Variants in UGP2 observed in about 807,000 individuals in gnomAD.
UGP2 encodes UTP--glucose-1-phosphate uridylyltransferase.
In UGP2, 40 loss-of-function variants were observed where a neutral mutation model predicts 49.0. The observed-to-expected ratio is 0.82, with a 90% CI of 0.63 to 1.06. UGP2 has a LOEUF of 1.06. Among genes scored for constraint, UGP2 ranks in the 50% least tolerant of loss-of-function variants. The probability of loss-of-function intolerance (pLI) is 0.00; values close to 1 mark genes in which losing one functional copy is unlikely to be tolerated. For missense variants in UGP2, 460 were observed against 603.5 expected, an observed-to-expected ratio of 0.76 and a Z score of 2.49; for synonymous variants, 225 against 213.0, an observed-to-expected ratio of 1.06 and a Z score of -0.49.
intron 1 of UGP2, among the ~76,000 whole-genome samples, chr2:63,846,402 T>C (rs557959301): frequency 2.1e-4 from 32 of 152,128 alleles, no homozygotes; most frequent in African/African-American, 7.2e-4. Context: ...CAGCTAAGGC[T>C]ATAATGGATG....
At chr2:63,878,011 A>C (rs1671036122) in intron 3 of UGP2, among the ~76,000 whole-genome samples, 1 of 149,074 alleles carries the variant, frequency 6.7e-6, no homozygotes, top group Admixed American at 6.6e-5. Context: ...AAAAAAAAAA[A>C]AAAAAAAAAA....
intron 3 of UGP2, among the ~76,000 whole-genome samples, chr2:63,877,322 T>C (rs1464400638): frequency 1.3e-5 from 2 of 152,272 alleles, no homozygotes; most frequent in Non-Finnish European, 2.9e-5. Context: ...CCTTCCTCTC[T>C]AATAGTAACT....
At chr2:63,846,698 C>G (rs1052073937) in intron 1 of UGP2, among the ~76,000 whole-genome samples, 6 of 152,098 alleles carry the variant, frequency 3.9e-5, no homozygotes, top group Non-Finnish European at 8.8e-5. Context: ...GAGGGGTCTC[C>G]GAGGAATACA....
intron 1 of UGP2, among the ~76,000 whole-genome samples, chr2:63,843,334 G>GTTA (rs1671711022): frequency 6.6e-6 from 1 of 152,168 alleles, no homozygotes; most frequent in African/African-American, 2.4e-5. Flanking sequence ...TCAAATTCAT[G>GTTA]TTATACCTTA....
intron 3 of UGP2, among the ~76,000 whole-genome samples, chr2:63,878,964 G>A (rs1184163396): frequency 6.6e-6 from 1 of 150,610 alleles, no homozygotes; most frequent in East Asian, 1.9e-4. Context: ...TTTTAAGGCA[G>A]CAAGGTTGAC....
intron 3 of UGP2, among the ~76,000 whole-genome samples, chr2:63,862,255 C>T (rs1395400492): frequency 6.6e-6 from 1 of 151,990 alleles, no homozygotes; most frequent in Non-Finnish European, 1.5e-5. Flanking sequence ...AAAGAAATGG[C>T]TCTGAGGACA....
intron 3 of UGP2, among the ~76,000 whole-genome samples, chr2:63,859,784 G>A (rs980140803): frequency 6.6e-6 from 1 of 152,166 alleles, no homozygotes; most frequent in Admixed American, 6.5e-5. Flanking sequence ...TGAAGCATAA[G>A]TTTTAAGCTT....
rs1218818525 is a variant in UGP2, at chr2:63,878,123, T to TA, written c.256-4342dup. On this transcript the variant is annotated intron_variant, in intron 3 of 9. Coordinates refer to ENST00000337130, the MANE Select transcript of UGP2 (RefSeq NM_006759.4). ...GTAAGTCCTGCTATGTTGGTTTTGT[T>TA]ACTTCCAAAGCATAATTTTGGGACT... Among the ~76,000 whole-genome samples, 5 of 152,260 alleles carry TA rather than the reference T, an allele frequency of 3.3e-5. No individual in the cohort carries two copies. The South Asian group carries it at 6.2e-4, about 19-fold the overall frequency.
intron 3 of UGP2, among the ~76,000 whole-genome samples, chr2:63,878,355 T>G (rs754445310): frequency 6.6e-6 from 1 of 152,216 alleles, no homozygotes; most frequent in Non-Finnish European, 1.5e-5. Context: ...CTCACCCTAT[T>G]TGTCACTGAT....
intron 3 of UGP2, among the ~76,000 whole-genome samples, chr2:63,859,487 A>G (rs781379434): frequency 2.6e-5 from 4 of 152,066 alleles, no homozygotes; most frequent in Non-Finnish European, 4.4e-5. Flanking sequence ...AGATCATGAT[A>G]TATAGTAGGG....
At chr2:63,863,814 G>A (rs1301381258) in intron 3 of UGP2, among the ~76,000 whole-genome samples, 1 of 152,138 alleles carries the variant, frequency 6.6e-6, no homozygotes, top group East Asian at 1.9e-4. Flanking sequence ...ATATATGAAA[G>A]ATAGCTGAGA....
At chr2:63,851,968 A>G (rs1179491801) in intron 1 of UGP2, among the ~76,000 whole-genome samples, 1 of 152,272 alleles carries the variant, frequency 6.6e-6, no homozygotes, top group Non-Finnish European at 1.5e-5. Flanking sequence ...AAAAAATACT[A>G]TCTTTTCTCA....
Position 63,890,122 on chromosome 2 carries a change from G to A in UGP2, c.1356G>A (p.Met452Ile), listed in dbSNP as rs1401473058. ...GAAGATTTGAAAGTATACCAGATAT[G>A]CTTGAATTGGATCACCTCACAGTTT... ...YLRRFESIPD[M>I]LELDHLTVSG... The change falls in exon 9 of 10, where the codon ATG becomes ATA. Residue 452 changes from methionine (M) to isoleucine (I), a missense_variant. By Grantham distance (10) the Met-to-Ile change is conservative. Coordinates refer to ENST00000337130, the MANE Select transcript of UGP2 (RefSeq NM_006759.4). 2.5e-6 allele frequency: 4 copies of A among 1,612,306 alleles called. No homozygotes were observed. Among genetic ancestry groups the A allele is most frequent in the African/African-American group, 1.3e-5 (1 of 74,776 alleles).
In UGP2 at chr2:63,879,815, C is replaced by G. The variant is rs1482954616; in HGVS notation, c.256-2651C>G. Reference sequence around the variant, plus strand: ...AAATTGGAAGACAGGCCTGTCCTACCATGTGGAAAATTGCTGCTGTGTACT... The same window carrying G: ...AAATTGGAAGACAGGCCTGTCCTACGATGTGGAAAATTGCTGCTGTGTACT... On this transcript the variant is annotated intron_variant, in intron 3 of 9. Coordinates refer to ENST00000337130, the MANE Select transcript of UGP2 (RefSeq NM_006759.4). Among the ~76,000 whole-genome samples the G allele has an allele frequency of 2.0e-5, 3 of 152,112 alleles. No individual in the cohort carries two copies. The East Asian group carries it at 5.8e-4, about 29-fold the overall frequency.
chr2:63,842,162 G>T lies in UGP2; in HGVS notation c.-24G>T. 6.3e-7 allele frequency: 1 copy of T among 1,576,342 alleles called. No individual in the cohort carries two copies. On this transcript the variant is annotated 5_prime_UTR_variant, in exon 1 of 10. Transcript: ENST00000337130. ...CCTCTAGAAAAAAAAAAAAAAAGCC[G>T]GAGTATTTTACTAAGCCCCTAAAAT...
intron 1 of UGP2, among the ~76,000 whole-genome samples, chr2:63,845,542 G>A (rs1211039560): frequency 1.3e-5 from 2 of 150,692 alleles, no homozygotes; most frequent in Middle Eastern, 3.2e-3. Flanking sequence ...AAAAAGTGCC[G>A]GGGTGGGGCA....
chr2:63,849,884 A>G (rs902937667), intron 1 of UGP2, among the ~76,000 whole-genome samples: 1 of 152,224 alleles, frequency 6.6e-6, no homozygotes, highest in Non-Finnish European at 1.5e-5. Context: ...TCTAAGCATA[A>G]AAGTTTCTCT....
chr2:63,879,617 G>A (rs962404085), intron 3 of UGP2, among the ~76,000 whole-genome samples: 2 of 152,174 alleles, frequency 1.3e-5, no homozygotes, highest in Non-Finnish European at 2.9e-5. Context: ...TACACACATA[G>A]GTGGTAAAAC....
At chr2:63,866,431 G>A (rs1437964209) in intron 3 of UGP2, among the ~76,000 whole-genome samples, 2 of 152,112 alleles carry the variant, frequency 1.3e-5, no homozygotes, top group Admixed American at 6.5e-5. Context: ...TGGGTTTCTG[G>A]TATATGTGCT....
Sources: gnomAD v4.1 joint callset for allele counts (sites outside exome capture counted in the v4.1 genomes callset) on GRCh38, gnomAD v4.1.1 for gene constraint, MANE v1.5 for transcripts, NCBI Gene and HGNC (gene_info 2026-07-23, HGNC 2026-07-21) for gene names.